ABCA1: variants seen among roughly 807,000 people sequenced by gnomAD.
ABCA1 encodes the protein phospholipid-transporting ATPase ABCA1.
In ABCA1, 133 loss-of-function variants were observed where a neutral mutation model predicts 262.5. That is an observed-to-expected ratio of 0.51 (90% confidence interval 0.44 to 0.59). The LOEUF (loss-of-function observed/expected upper bound fraction) is 0.59, where lower values mean the gene tolerates loss of function less well. Among genes scored for constraint, ABCA1 ranks in the 20% least tolerant of loss-of-function variants. The pLI, the probability that ABCA1 is intolerant of heterozygous loss-of-function variation, is 0.00. For missense variants in ABCA1, 2,452 were observed against 2,777.5 expected (o/e 0.88, Z 2.63); for synonymous variants, 1,022 against 1,043.5 (o/e 0.98, Z 0.40).
chr9:104,833,780 G>T (rs193300500), intron 11 of ABCA1, among the ~76,000 whole-genome samples: 2 of 152,340 alleles, frequency 1.3e-5, no homozygotes, highest in East Asian at 3.9e-4. Flanking sequence ...AGGTCATGAT[G>T]CAAAGGAGGC....
chr9:104,883,290 C>T, intron 4 of ABCA1, 133 bp from the exon 5 acceptor site: 1 of 754,030 alleles, frequency 1.3e-6, no homozygotes, highest in East Asian at 2.5e-5. Context: ...CTAACCCACT[C>T]CCATGGCTCC....
In ABCA1 at chr9:104,855,996, C is replaced by G; in HGVS notation, c.720+2526G>C. 2 of 1,612,902 alleles carry G rather than the reference C, an allele frequency of 1.2e-6. No individual in the cohort carries two copies. The highest frequency in any genetic ancestry group is 8.5e-7 in the Non-Finnish European group (1 of 1,179,896). ...TTGAAAGAAGAGTTTCTCTCCCCAT[C>G]ATGTTGGGCTTTGCATCTCCGGTTG... is the stretch of plus-strand genomic sequence containing the variant. On this transcript the variant is annotated intron_variant, in intron 7 of 49. Transcript: ENST00000374736.
chr9:104,855,521 A>T, intron 7 of ABCA1: 1 of 790,546 alleles, frequency 1.3e-6, no homozygotes, highest in Non-Finnish European at 1.8e-6. Flanking sequence ...TTCTATCTTG[A>T]CGCAATTGTT....
At chr9:104,798,712 G>A (rs2118885372) in intron 36 of ABCA1, 114 bp from the exon 37 acceptor site, 1 of 905,188 alleles carries the variant, frequency 1.1e-6, no homozygotes, top group Non-Finnish European at 1.8e-6. Context: ...AGAGATATCT[G>A]AGGCACAGCC....
rs372663042 is a variant in ABCA1 at position 104,903,713 on chromosome 9, G to A, written c.-34C>T. 4.2e-5 allele frequency: 66 copies of A among 1,559,894 alleles called. No individual in the cohort carries two copies. The highest frequency in any genetic ancestry group is 1.2e-4 in the East Asian group (5 of 42,080). Reference sequence around the variant, plus strand: ...AGCCAGCACCCCCAGCGTGTGGCTCGGGAGCCCTGGAAGGCAGCGGCCAGA... The same window carrying A: ...AGCCAGCACCCCCAGCGTGTGGCTCAGGAGCCCTGGAAGGCAGCGGCCAGA... On this transcript the variant is annotated 5_prime_UTR_variant, in exon 2 of 50. Transcript: ENST00000374736.
At chr9:104,926,715 T>C (rs1826369376) in intron 1 of ABCA1, among the ~76,000 whole-genome samples, 1 of 151,960 alleles carries the variant, frequency 6.6e-6, no homozygotes, top group African/African-American at 2.4e-5. Context: ...GAGCTCCGAG[T>C]TCTGCGCCGC....
intron 1 of ABCA1, among the ~76,000 whole-genome samples, chr9:104,920,732 G>A (rs1205911959): frequency 6.6e-6 from 1 of 152,052 alleles, no homozygotes; most frequent in Non-Finnish European, 1.5e-5. Flanking sequence ...GGCTGGTCTC[G>A]AACTCCTGAC....
At chr9:104,912,326 G>C (rs567313460) in intron 1 of ABCA1, among the ~76,000 whole-genome samples, 1 of 152,298 alleles carries the variant, frequency 6.6e-6, no homozygotes, top group East Asian at 1.9e-4. Flanking sequence ...TTGAGCCCAG[G>C]AGTTTGAGGC....
At chr9:104,856,043 G>C (rs1412588138) in intron 7 of ABCA1, 2 of 1,612,088 alleles carry the variant, frequency 1.2e-6, no homozygotes. Context: ...GCACTTCTTG[G>C]CACAGTTAAC....
At position 104,806,221 on chromosome 9, in the gene ABCA1, A is replaced by G; in HGVS notation, c.4464+20T>C. On this transcript the variant is annotated intron_variant, in intron 31 of 49. Coordinates refer to ENST00000374736, the MANE Select transcript of ABCA1 (RefSeq NM_005502.4). ...CATCCTGCACCCCTTCTGCCCAATC[A>G]CCCCCTGAAAGTGACTCACTTGTGG... 1 of 1,610,966 alleles carries G rather than the reference A, an allele frequency of 6.2e-7. No individual in the cohort carries two copies. Among genetic ancestry groups the G allele is most frequent in the South Asian group, 1.1e-5 (1 of 90,844 alleles).
chr9:104,911,830 T>C (rs1012996018), intron 1 of ABCA1, among the ~76,000 whole-genome samples: 4 of 152,124 alleles, frequency 2.6e-5, no homozygotes, highest in Non-Finnish European at 5.9e-5. Flanking sequence ...CCAAAAGGGG[T>C]AAGAAATCCT....
chr9:104,798,750 C>CT (rs1488339707), intron 36 of ABCA1, 152 bp from the exon 37 acceptor site: 1 of 736,344 alleles, frequency 1.4e-6, no homozygotes, highest in Non-Finnish European at 2.4e-6. Context: ...TCACCAGACA[C>CT]ATTTTATTCA....
chr9:104,865,406 C>T (rs1837001285), intron 5 of ABCA1, among the ~76,000 whole-genome samples: 1 of 151,004 alleles, frequency 6.6e-6, no homozygotes, highest in South Asian at 2.1e-4. Context: ...ATCCCAGCTA[C>T]TTGGGAGGCT....
chr9:104,798,701 C>G (rs1444336678), intron 36 of ABCA1, 103 bp from the exon 37 acceptor site: 1 of 981,896 alleles, frequency 1.0e-6, no homozygotes, highest in East Asian at 2.6e-5. Context: ...TACACACACA[C>G]AGAGATATCT....
At chr9:104,858,021 C>T (rs901390253) in intron 7 of ABCA1, among the ~76,000 whole-genome samples, 1 of 152,116 alleles carries the variant, frequency 6.6e-6, no homozygotes, top group African/African-American at 2.4e-5. Flanking sequence ...AAAACTTCGT[C>T]GGAATTTTTC....
At chr9:104,833,810 C>T (rs535614553) in intron 11 of ABCA1, among the ~76,000 whole-genome samples, 4 of 152,176 alleles carry the variant, frequency 2.6e-5, no homozygotes, top group Non-Finnish European at 5.9e-5. Flanking sequence ...TTTCTTGTTC[C>T]CTTGCCAGTT....
chr9:104,915,378 A>T (rs1841780217), intron 1 of ABCA1, among the ~76,000 whole-genome samples: 1 of 152,182 alleles, frequency 6.6e-6, no homozygotes, highest in African/African-American at 2.4e-5. Flanking sequence ...GCCCTCCAAA[A>T]CTTACAAGCA....
intron 16 of ABCA1, 78 bp from the exon 17 acceptor site, chr9:104,825,965 C>T: frequency 6.6e-7 from 1 of 1,509,926 alleles, no homozygotes; most frequent in Non-Finnish European, 9.1e-7. Flanking sequence ...TAAATTATAC[C>T]TGGAGAAATT....
chr9:104,822,368 T>A (rs1832440715), intron 19 of ABCA1, 128 bp downstream of exon 19: 1 of 1,237,384 alleles, frequency 8.1e-7, no homozygotes, highest in African/African-American at 1.5e-5. Flanking sequence ...CATGTTCACA[T>A]TCGGCAACTC....
Sources: gnomAD v4.1 joint callset for allele counts (sites outside exome capture counted in the v4.1 genomes callset) on GRCh38, gnomAD v4.1.1 for gene constraint, MANE v1.5 for transcripts, NCBI Gene and HGNC (gene_info 2026-07-23, HGNC 2026-07-21) for gene names.